Variants in LRRC4C observed in about 807,000 individuals in gnomAD.
LRRC4C encodes leucine rich repeat containing 4C, also known as leucine-rich repeat-containing protein 4C.
LRRC4C carries 5 observed loss-of-function variants against 33.6 expected under a neutral mutation model. The observed-to-expected ratio is 0.15, with a 90% confidence interval of 0.08 to 0.31. The LOEUF (loss-of-function observed/expected upper bound fraction) is 0.31. Ranked by LOEUF, LRRC4C falls within the 10% of genes least tolerant of loss-of-function variation. The pLI is 1.00. For missense variants in LRRC4C, 560 were observed against 796.7 expected (o/e 0.70, Z 3.58); for synonymous variants, 329 against 302.0 (o/e 1.09, Z -0.93).
intron 3 of LRRC4C, among the ~76,000 whole-genome samples, chr11:40,617,197 C>T (rs1961947580): frequency 1.3e-5 from 2 of 151,710 alleles, no homozygotes; most frequent in South Asian, 2.1e-4. Flanking sequence ...TTTTATTACA[C>T]TTAGATAGCT....
chr11:40,346,841 G>A (rs1220661342), intron 3 of LRRC4C, among the ~76,000 whole-genome samples: 1 of 152,144 alleles, frequency 6.6e-6, no homozygotes, highest in East Asian at 1.9e-4. Context: ...TTTCAACAAT[G>A]AGTTTAAAAT....
chr11:40,351,860 A>G (rs1947404116), intron 3 of LRRC4C, among the ~76,000 whole-genome samples: 1 of 151,758 alleles, frequency 6.6e-6, no homozygotes, highest in Non-Finnish European at 1.5e-5. Context: ...TTTGGTTTTC[A>G]CTTTCATAGA....
chr11:41,070,836 C>T (rs144626985), intron 1 of LRRC4C, among the ~76,000 whole-genome samples: 3,085 of 152,098 alleles, frequency 0.02, 108 homozygotes, highest in African/African-American at 0.071. Flanking sequence ...ATTAATTCAA[C>T]CATTGTGGAA....
intron 1 of LRRC4C, among the ~76,000 whole-genome samples, chr11:41,060,539 G>A (rs1045088823): frequency 6.6e-6 from 1 of 152,110 alleles, no homozygotes; most frequent in African/African-American, 2.4e-5. Flanking sequence ...CGCATATGGA[G>A]AGAAAATTAT....
intron 1 of LRRC4C, among the ~76,000 whole-genome samples, chr11:40,957,859 C>G (rs1565241883): frequency 6.6e-6 from 1 of 151,678 alleles, no homozygotes; most frequent in Admixed American, 6.6e-5. Flanking sequence ...TCCAGCCCTT[C>G]CAGTTTCTAG....
chr11:40,466,071 T>C (rs1158756686), intron 3 of LRRC4C, among the ~76,000 whole-genome samples: 1 of 151,992 alleles, frequency 6.6e-6, no homozygotes, highest in African/African-American at 2.4e-5. Context: ...ATACACCATA[T>C]AATATTAGCC....
At chr11:40,454,991 C>A (rs1035301363) in intron 3 of LRRC4C, among the ~76,000 whole-genome samples, 5 of 152,022 alleles carry the variant, frequency 3.3e-5, no homozygotes, top group Admixed American at 6.6e-5. Flanking sequence ...ATGGGAGCAA[C>A]ACGTCAGAAA....
At chr11:40,618,407 G>A (rs749458175) in intron 3 of LRRC4C, among the ~76,000 whole-genome samples, 4 of 151,620 alleles carry the variant, frequency 2.6e-5, no homozygotes, top group Non-Finnish European at 5.9e-5. Context: ...CCTCTATAAT[G>A]AACCAATGGC....
At chr11:40,591,347 T>C (rs923972259) in intron 3 of LRRC4C, among the ~76,000 whole-genome samples, 1 of 152,118 alleles carries the variant, frequency 6.6e-6, no homozygotes, top group Non-Finnish European at 1.5e-5. Context: ...TGGTGCACGG[T>C]GCACGGACCC....
At chr11:40,344,691 G>A (rs569744499) in intron 3 of LRRC4C, among the ~76,000 whole-genome samples, 3 of 151,956 alleles carry the variant, frequency 2.0e-5, no homozygotes, top group African/African-American at 7.3e-5. Flanking sequence ...ATGCATTCAA[G>A]TAGGAAGAGA....
intron 1 of LRRC4C, among the ~76,000 whole-genome samples, chr11:41,293,446 T>C (rs951164815): frequency 6.6e-6 from 1 of 152,130 alleles, no homozygotes; most frequent in African/African-American, 2.4e-5. Context: ...TTTTAGACTG[T>C]TGATGAGAGG....
chr11:40,971,911 G>A (rs1486641324), intron 1 of LRRC4C, among the ~76,000 whole-genome samples: 13 of 152,140 alleles, frequency 8.5e-5, no homozygotes, highest in Non-Finnish European at 1.9e-4. Context: ...AGACTTGCGT[G>A]GGGCCTGTAG....
chr11:40,895,161 G>T (rs1955884269), intron 2 of LRRC4C, among the ~76,000 whole-genome samples: 1 of 151,998 alleles, frequency 6.6e-6, no homozygotes, highest in African/African-American at 2.4e-5. Flanking sequence ...TGACAGAAAT[G>T]CTAGAAATGT....
intron 1 of LRRC4C, among the ~76,000 whole-genome samples, chr11:40,969,283 T>C (rs1392761325): frequency 1.8e-5 from 2 of 114,218 alleles, no homozygotes; most frequent in African/African-American, 5.8e-5. Flanking sequence ...TTGTTTCTTA[T>C]GGATAAATAA....
chr11:40,597,162 T>C (rs1173940385), intron 3 of LRRC4C, among the ~76,000 whole-genome samples: 3 of 152,200 alleles, frequency 2.0e-5, no homozygotes, highest in African/African-American at 7.2e-5. Flanking sequence ...GGACCCAGAC[T>C]ATTAAAAGGG....
rs542609644 is a variant in LRRC4C, at chr11:40,850,980, C to A, written c.-407+82655G>T. The stretch of plus-strand genomic sequence containing the variant: ...TCAGTAATGGCAGACCCACCTCCCC[C>A]CACCAAGCTGGAGCCCTGGGTGGAC... On this transcript the variant is annotated intron_variant, in intron 2 of 6. Transcript: ENST00000528697. Among the ~76,000 whole-genome samples, 60 of 152,278 alleles carry A rather than the reference C, an allele frequency of 3.9e-4. 2 individuals carry two copies. Among genetic ancestry groups the A allele is most frequent in the Non-Finnish European group, 8.8e-5 (6 of 68,014 alleles).
chr11:40,890,594 T>G (rs760612606), intron 2 of LRRC4C, among the ~76,000 whole-genome samples: 11 of 152,134 alleles, frequency 7.2e-5, no homozygotes, highest in Non-Finnish European at 4.4e-5. Flanking sequence ...CTTACTAACT[T>G]GGATCAAAAT....
At chr11:41,186,756 C>A (rs1206155347) in intron 1 of LRRC4C, among the ~76,000 whole-genome samples, 1 of 152,060 alleles carries the variant, frequency 6.6e-6, no homozygotes, top group Admixed American at 6.6e-5. Flanking sequence ...TAATTTCAAC[C>A]AAAATCTAAA....
At chr11:40,467,525 C>T (rs1952710435) in intron 3 of LRRC4C, among the ~76,000 whole-genome samples, 1 of 152,002 alleles carries the variant, frequency 6.6e-6, no homozygotes, top group African/African-American at 2.4e-5. Context: ...GCGCTGGAAA[C>T]CTAGGCAAAG....
Sources: allele counts gnomAD v4.1 joint callset (sites outside exome capture counted in the v4.1 genomes callset), GRCh38; gene constraint gnomAD v4.1.1; transcripts MANE v1.5; gene names NCBI Gene and HGNC (gene_info 2026-07-23, HGNC 2026-07-21).